MTHFD1L: variants seen among roughly 807,000 people sequenced by gnomAD.
MTHFD1L encodes the protein methylenetetrahydrofolate dehydrogenase (NADP+ dependent) 1 like.
MTHFD1L carries 81 observed loss-of-function variants against 119.5 expected under a neutral mutation model. The ratio of observed to expected loss-of-function variants is 0.68; its 90% CI spans 0.57 to 0.82. The LOEUF is 0.82. Ranked by LOEUF, MTHFD1L falls within the 40% of genes least tolerant of loss-of-function variation. MTHFD1L has a pLI of 0.00. For synonymous variants in MTHFD1L, 430 were observed against 475.2 expected, an observed-to-expected ratio of 0.90 and a Z score of 1.24; for missense variants, 1,125 against 1,253.4, an observed-to-expected ratio of 0.90 and a Z score of 1.55.
chr6:151,094,255 T>G (rs1286950512), intron 27 of MTHFD1L, among the ~76,000 whole-genome samples: 2 of 152,238 alleles, frequency 1.3e-5, no homozygotes, highest in East Asian at 3.8e-4. Context: ...TGAGCTTTTG[T>G]GGCCTAAAGA....
intron 1 of MTHFD1L, among the ~76,000 whole-genome samples, chr6:150,875,114 G>A (rs1004502296): frequency 2.0e-4 from 31 of 151,722 alleles, no homozygotes; most frequent in Non-Finnish European, 4.6e-4. Flanking sequence ...GGAGTGCAGT[G>A]GTGCAGTCAT....
intron 1 of MTHFD1L, among the ~76,000 whole-genome samples, chr6:150,867,477 A>G (rs1296519988): frequency 6.6e-6 from 1 of 152,204 alleles, no homozygotes; most frequent in Non-Finnish European, 1.5e-5. Flanking sequence ...ACGTCAGGTC[A>G]TTAGGTTTTA....
intron 26 of MTHFD1L, among the ~76,000 whole-genome samples, chr6:151,050,267 A>C (rs996523454): frequency 1.3e-5 from 2 of 151,578 alleles, no homozygotes; most frequent in South Asian, 4.2e-4. Context: ...GGTTCAAGCG[A>C]CTCTCCCACC....
chr6:150,899,065 G>T, intron 7 of MTHFD1L: 1 of 853,806 alleles, frequency 1.2e-6, no homozygotes, highest in Non-Finnish European at 1.4e-6. Context: ...TACTTCCAGA[G>T]GAATTGTCTT....
rs117731734 is a variant in MTHFD1L at position 150,986,225 on chromosome 6, A to G, written c.2125+14167A>G. Among the ~76,000 whole-genome samples the G allele has an allele frequency of 3.9e-4, 60 of 152,352 alleles. 1 individual carries two copies. In the East Asian group the frequency reaches 0.01, roughly 26 times the overall value. ...CCTTTAATGAAAGTGCTAGTCAGTA[A>G]TGCAGAACTTGGGCAAGTTTTATAA... is the stretch of plus-strand genomic sequence containing the variant. On this transcript the variant is annotated intron_variant, in intron 20 of 27. Transcript: ENST00000367321.
At chr6:151,101,421 T>C (rs1292423234) in intron 27 of MTHFD1L, 105 bp from the exon 28 acceptor site, 1 of 152,208 alleles carries the variant, frequency 6.6e-6, no homozygotes, top group Non-Finnish European at 1.5e-5. Context: ...TCTTGAATTT[T>C]CTTTTGGCCT....
At chr6:151,078,814 G>T (rs1350512102) in intron 26 of MTHFD1L, among the ~76,000 whole-genome samples, 1 of 152,064 alleles carries the variant, frequency 6.6e-6, no homozygotes, top group Non-Finnish European at 1.5e-5. Context: ...CAAGTCACAG[G>T]CCTCACCTGC....
At chr6:150,940,611 C>T (rs935195662) in intron 13 of MTHFD1L, among the ~76,000 whole-genome samples, 6 of 151,950 alleles carry the variant, frequency 3.9e-5, no homozygotes, top group Non-Finnish European at 7.4e-5. Context: ...GATGGAGTCT[C>T]GCTCTGTCAC....
chr6:150,954,657 C>G (rs962400043), intron 16 of MTHFD1L, among the ~76,000 whole-genome samples: 2 of 152,054 alleles, frequency 1.3e-5, no homozygotes, highest in Non-Finnish European at 2.9e-5. Context: ...CCACTGCACT[C>G]CAGCCTGCAT....
chr6:151,098,830 ATCTATAATGAGACTT>A (rs1180304298), intron 27 of MTHFD1L, among the ~76,000 whole-genome samples: 1 of 152,128 alleles, frequency 6.6e-6, no homozygotes, highest in African/African-American at 2.4e-5. Context: ...GATTGTTTTC[ATCTATAATGAGACTT>A]TCTATACTTT....
intron 8 of MTHFD1L, 62 bp from the exon 9 acceptor site, chr6:150,918,515 G>T: frequency 1.7e-6 from 2 of 1,142,936 alleles, no homozygotes; most frequent in Middle Eastern, 3.9e-4. Context: ...TGTTTACAAG[G>T]AGCAATTGGT....
rs569283227 is a variant in MTHFD1L, at chr6:151,026,778, T to A, written c.2587-7715T>A. 2.0e-5 allele frequency among the ~76,000 whole-genome samples: 3 copies of A among 149,764 alleles called. No homozygotes were observed. In the East Asian group the frequency reaches 5.9e-4, roughly 29 times the overall value. ...ATTTCACCTTGGCTTCTGCCTTTCT[T>A]TCCCTTCTTTGCCTATTGAGATTTT... is the stretch of plus-strand genomic sequence containing the variant. On this transcript the variant is annotated intron_variant, in intron 24 of 27. Transcript: ENST00000367321.
intron 11 of MTHFD1L, chr6:150,935,385 A>G: frequency 6.2e-7 from 1 of 1,613,896 alleles, no homozygotes; most frequent in South Asian, 1.1e-5. Flanking sequence ...GACTTGAGGA[A>G]CTCATTGTCT....
chr6:150,925,982 C>T (rs1789907607), intron 10 of MTHFD1L, 140 bp from the exon 11 acceptor site: 1 of 652,678 alleles, frequency 1.5e-6, no homozygotes, highest in African/African-American at 1.8e-5. Flanking sequence ...AGCAGTTGTG[C>T]TTATTACTGC....
chr6:150,952,324 G>A (rs1794978999), intron 16 of MTHFD1L, among the ~76,000 whole-genome samples: 1 of 152,170 alleles, frequency 6.6e-6, no homozygotes. Context: ...CAAAAGAATT[G>A]AGAACATTTG....
intron 20 of MTHFD1L, among the ~76,000 whole-genome samples, chr6:150,988,974 A>T (rs894368554): frequency 1.3e-5 from 2 of 152,206 alleles, no homozygotes; most frequent in Non-Finnish European, 2.9e-5. Context: ...TCCTGACCTC[A>T]GGTGATCTGC....
chr6:151,093,994 G>A (rs2128657834), intron 27 of MTHFD1L, among the ~76,000 whole-genome samples: 1 of 152,246 alleles, frequency 6.6e-6, no homozygotes, highest in East Asian at 1.9e-4. Flanking sequence ...ATACCTGCTG[G>A]CTTCTATCCT....
chr6:150,922,647 CTT>C lies in MTHFD1L; in HGVS notation c.1082+358_1082+359del, dbSNP rs35497180. Among the ~76,000 whole-genome samples, 172 of 108,188 alleles carry C rather than the reference CTT, an allele frequency of 1.6e-3. 2 individuals are homozygous for C. The highest frequency in any genetic ancestry group is 3.2e-3 in the East Asian group (11 of 3,416). 71.0% of individuals were successfully genotyped at this position (108,188 alleles called of 152,430 possible). On this transcript the variant is annotated intron_variant, in intron 10 of 27. Coordinates refer to ENST00000367321, the MANE Select transcript of MTHFD1L (RefSeq NM_015440.5). ...AATGGCAGTGTTTTCCCCCCCCACC[CTT>C]TTTTTTTTTTTTGAGATGGAGTCTT...
In MTHFD1L at chr6:151,052,978, T is replaced by A. The variant is rs549872051; in HGVS notation, c.2847+15861T>A. ...CTGAGATCGCCCGTCGTGGGGTGGG[T>A]CTATACCCATCTAGTCATTAAGCCT... is the stretch of plus-strand genomic sequence containing the variant. On this transcript the variant is annotated intron_variant, in intron 26 of 27. Transcript: ENST00000367321. Among the ~76,000 whole-genome samples the A allele has an allele frequency of 5.3e-5, 8 of 152,094 alleles. No homozygotes were observed. The South Asian group carries it at 1.7e-3, about 32-fold the overall frequency.
Sources: allele counts gnomAD v4.1 joint callset (sites outside exome capture counted in the v4.1 genomes callset), GRCh38; gene constraint gnomAD v4.1.1; transcripts MANE v1.5; gene names NCBI Gene and HGNC (gene_info 2026-07-23, HGNC 2026-07-21).